ZNF385D: variants seen among roughly 807,000 people sequenced by gnomAD.
ZNF385D encodes the protein zinc finger protein 659.
In ZNF385D, 15 loss-of-function variants were observed where a neutral mutation model predicts 35.8. That is an observed-to-expected ratio of 0.42 (90% CI 0.28 to 0.64). The LOEUF (loss-of-function observed/expected upper bound fraction) is 0.64, where lower values mean the gene tolerates loss of function less well. Among genes scored for constraint, ZNF385D ranks in the 30% least tolerant of loss-of-function variants. The pLI is 0.23. For synonymous variants in ZNF385D, 212 were observed against 186.8 expected (o/e 1.13, Z -1.10); for missense variants, 474 against 494.6 (o/e 0.96, Z 0.39).
chr3:21,745,273 A>G (rs1025060757), intron 1 of ZNF385D, among the ~76,000 whole-genome samples: 2 of 152,146 alleles, frequency 1.3e-5, no homozygotes, highest in Non-Finnish European at 2.9e-5. Flanking sequence ...ACATGTGGGC[A>G]AAAAAAGAAA....
chr3:21,879,204 G>A (rs1353621457), intron 3 of ZNF385D, among the ~76,000 whole-genome samples: 1 of 151,932 alleles, frequency 6.6e-6, no homozygotes, highest in Non-Finnish European at 1.5e-5. Flanking sequence ...AAAATCCTGT[G>A]TTTGTCATGT....
chr3:21,596,724 C>T (rs1341736001), intron 2 of ZNF385D, among the ~76,000 whole-genome samples: 2 of 151,666 alleles, frequency 1.3e-5, no homozygotes, highest in Non-Finnish European at 2.9e-5. Context: ...AGTGATCCTC[C>T]TGCCCCAGCC....
At chr3:22,271,504 T>C (rs1379987232) in intron 2 of ZNF385D, among the ~76,000 whole-genome samples, 1 of 151,900 alleles carries the variant, frequency 6.6e-6, no homozygotes, top group African/African-American at 2.4e-5. Flanking sequence ...AACCCAGGCT[T>C]CTTACCAAGT....
At chr3:21,614,150 C>T (rs964378211) in intron 2 of ZNF385D, among the ~76,000 whole-genome samples, 1 of 152,186 alleles carries the variant, frequency 6.6e-6, no homozygotes, top group African/African-American at 2.4e-5. Flanking sequence ...AAATTCATTT[C>T]TCACAGTTCT....
At position 21,970,211 on chromosome 3, in the gene ZNF385D, A is replaced by T. The variant is rs575997797; in HGVS notation, c.325+198606T>A. 2.6e-5 allele frequency among the ~76,000 whole-genome samples: 4 copies of T among 152,340 alleles called. No homozygotes were observed. The South Asian group carries it at 8.3e-4, about 32-fold the overall frequency. On this transcript the variant is annotated intron_variant, in intron 3 of 5. Transcript: ENST00000494108. ...AAACCATCCAGGAAAACGTGACTTC[A>T]CCAAATGAACTAAATAGGCATGAGT...
chr3:21,586,203 C>T (rs1024974337), intron 2 of ZNF385D, among the ~76,000 whole-genome samples: 2 of 151,822 alleles, frequency 1.3e-5, no homozygotes, highest in Non-Finnish European at 2.9e-5. Context: ...GAGACTCTGT[C>T]CCTAAGGGGA....
chr3:21,663,789 T>C (rs949173044), intron 2 of ZNF385D, among the ~76,000 whole-genome samples: 5 of 150,382 alleles, frequency 3.3e-5, no homozygotes, highest in African/African-American at 4.9e-5. Context: ...AGCATATAGC[T>C]GTACTGACTC....
intron 3 of ZNF385D, among the ~76,000 whole-genome samples, chr3:21,943,800 A>G (rs1490638695): frequency 6.6e-6 from 1 of 152,194 alleles, no homozygotes; most frequent in East Asian, 1.9e-4. Context: ...TGGCAGTTTA[A>G]TGGAATGGCC....
intron 3 of ZNF385D, among the ~76,000 whole-genome samples, chr3:22,040,587 G>T (rs1698604206): frequency 6.6e-6 from 1 of 152,128 alleles, no homozygotes; most frequent in Non-Finnish European, 1.5e-5. Flanking sequence ...TTCTGAACAG[G>T]TTATTAAATG....
At chr3:22,344,293 C>A (rs35862676) in intron 2 of ZNF385D, among the ~76,000 whole-genome samples, 1 of 151,990 alleles carries the variant, frequency 6.6e-6, no homozygotes, top group African/African-American at 2.4e-5. Flanking sequence ...CTACTCACTA[C>A]TGACTGCAGG....
chr3:22,256,497 C>T (rs537291926), intron 2 of ZNF385D, among the ~76,000 whole-genome samples: 1 of 151,538 alleles, frequency 6.6e-6, no homozygotes, highest in South Asian at 2.1e-4. Context: ...AGTTCTTTTC[C>T]AATTTGAGTA....
At chr3:21,529,983 TG>T (rs972365681) in intron 3 of ZNF385D, among the ~76,000 whole-genome samples, 13 of 151,850 alleles carry the variant, frequency 8.6e-5, no homozygotes, top group East Asian at 3.9e-4. Flanking sequence ...GTTTGGGTCA[TG>T]GGGGGGGTGA....
intron 4 of ZNF385D, among the ~76,000 whole-genome samples, chr3:21,476,777 C>G (rs1704276313): frequency 6.6e-6 from 1 of 152,010 alleles, no homozygotes; most frequent in Non-Finnish European, 1.5e-5. Context: ...TTCATTATTT[C>G]ACTTTGGCCA....
At chr3:21,439,485 C>T (rs1006529618) in intron 4 of ZNF385D, among the ~76,000 whole-genome samples, 2 of 151,854 alleles carry the variant, frequency 1.3e-5, no homozygotes, top group Admixed American at 6.6e-5. Context: ...CTGAAGCCAG[C>T]GTGACACTGT....
intron 3 of ZNF385D, among the ~76,000 whole-genome samples, chr3:21,853,195 T>C (rs780434825): frequency 1.3e-5 from 2 of 151,882 alleles, no homozygotes; most frequent in Admixed American, 6.6e-5. Context: ...ATTGGTGTTA[T>C]ATATTCTTAC....
At chr3:21,846,026 T>C (rs1695983199) in intron 3 of ZNF385D, among the ~76,000 whole-genome samples, 1 of 152,034 alleles carries the variant, frequency 6.6e-6, no homozygotes, top group African/African-American at 2.4e-5. Context: ...AGGAGCCTGC[T>C]AGTAACATAC....
intron 2 of ZNF385D, among the ~76,000 whole-genome samples, chr3:22,170,900 A>G (rs1329300662): frequency 1.3e-5 from 2 of 152,160 alleles, no homozygotes; most frequent in Non-Finnish European, 2.9e-5. Context: ...GCAGATCAGG[A>G]AAGTTTTATA....
At chr3:22,019,242 T>A (rs1440807290) in intron 3 of ZNF385D, among the ~76,000 whole-genome samples, 4 of 151,660 alleles carry the variant, frequency 2.6e-5, no homozygotes, top group Non-Finnish European at 5.9e-5. Flanking sequence ...CATTCTCACC[T>A]TATTTCTAGA....
chr3:22,118,688 G>A (rs1305363002), intron 3 of ZNF385D, among the ~76,000 whole-genome samples: 1 of 152,028 alleles, frequency 6.6e-6, no homozygotes, highest in Non-Finnish European at 1.5e-5. Flanking sequence ...CAAACAAAGA[G>A]CAGATAGCTG....
Sources: gnomAD v4.1 joint callset for allele counts (sites outside exome capture counted in the v4.1 genomes callset) on GRCh38, gnomAD v4.1.1 for gene constraint, MANE v1.5 for transcripts, NCBI Gene and HGNC (gene_info 2026-07-23, HGNC 2026-07-21) for gene names.